Variants in CSMD1 observed in about 807,000 individuals in gnomAD.
CSMD1 encodes CUB and sushi domain-containing protein 1.
In CSMD1, 213 loss-of-function variants were observed where a neutral mutation model predicts 417.5. The ratio of observed to expected loss-of-function variants is 0.51; its 90% CI spans 0.46 to 0.57. The LOEUF (loss-of-function observed/expected upper bound fraction) is 0.57, where lower values mean the gene tolerates loss of function less well. Among genes scored for constraint, CSMD1 ranks in the 20% least tolerant of loss-of-function variants. CSMD1 has a pLI of 0.00. For synonymous variants in CSMD1, 2,862 were observed against 1,736.8 expected, an observed-to-expected ratio of 1.65 and a Z score of -16.11; for missense variants, 6,923 against 4,529.7, an observed-to-expected ratio of 1.53 and a Z score of -15.17.
chr8:4,355,799 G>C (rs1214110776), intron 3 of CSMD1, among the ~76,000 whole-genome samples: 2 of 152,146 alleles, frequency 1.3e-5, no homozygotes, highest in Non-Finnish European at 2.9e-5. Flanking sequence ...CTACTAACCT[G>C]GCTGCTGTTT....
chr8:3,062,041 T>C (rs897359874), intron 49 of CSMD1, among the ~76,000 whole-genome samples: 9 of 152,180 alleles, frequency 5.9e-5, no homozygotes, highest in Non-Finnish European at 1.2e-4. Context: ...ATTTTCAATG[T>C]CCACCTATCA....
At chr8:4,107,663 A>C (rs940904719) in intron 3 of CSMD1, among the ~76,000 whole-genome samples, 5 of 152,160 alleles carry the variant, frequency 3.3e-5, no homozygotes, top group Non-Finnish European at 7.3e-5. Flanking sequence ...TTTGAAGTAC[A>C]ATCCATCATC....
intron 25 of CSMD1, among the ~76,000 whole-genome samples, chr8:3,307,006 T>G (rs565941254): frequency 6.8e-6 from 1 of 147,064 alleles, no homozygotes; most frequent in African/African-American, 2.5e-5. Flanking sequence ...AGTACTTTCT[T>G]GGTCTACCTC....
At chr8:4,413,085 A>G (rs1444176574) in intron 3 of CSMD1, among the ~76,000 whole-genome samples, 1 of 152,090 alleles carries the variant, frequency 6.6e-6, no homozygotes, top group Non-Finnish European at 1.5e-5. Flanking sequence ...AGCTTCATGG[A>G]AAGAGATATT....
chr8:4,236,416 G>A (rs199563238), intron 3 of CSMD1, among the ~76,000 whole-genome samples: 1 of 152,056 alleles, frequency 6.6e-6, no homozygotes, highest in Admixed American at 6.6e-5. Context: ...AGCCAGTCAA[G>A]AATTTTTCTC....
At chr8:3,442,380 A>G (rs6558773) in intron 12 of CSMD1, among the ~76,000 whole-genome samples, 101,836 of 151,874 alleles carry the variant, frequency 0.67, 34,378 homozygotes, top group East Asian at 0.85. Context: ...ACTCACCCAG[A>G]ACAACTTCCC....
At chr8:3,428,507 G>C (rs1013552590) in intron 12 of CSMD1, among the ~76,000 whole-genome samples, 6 of 151,876 alleles carry the variant, frequency 4.0e-5, no homozygotes, top group African/African-American at 1.5e-4. Context: ...TAAAAATGAT[G>C]GGGAAAAAAA....
chr8:4,727,440 T>G lies in CSMD1; in HGVS notation c.86-89882A>C, dbSNP rs570868013. On this transcript the variant is annotated intron_variant, in intron 1 of 69. Transcript: ENST00000635120. ...ATAAGTCAGTCCCTGGAATTATGCGTAAGATAGTTCTAAAAGACTGGGGAA... is the reference window on the plus strand; with the variant it reads ...ATAAGTCAGTCCCTGGAATTATGCGGAAGATAGTTCTAAAAGACTGGGGAA... Among the ~76,000 whole-genome samples the G allele has an allele frequency of 7.3e-4, 111 of 152,226 alleles. 1 individual carries two copies. Among genetic ancestry groups the G allele is most frequent in the African/African-American group, 2.6e-3 (107 of 41,542 alleles).
At chr8:4,287,822 G>A (rs1318736737) in intron 3 of CSMD1, among the ~76,000 whole-genome samples, 1 of 152,058 alleles carries the variant, frequency 6.6e-6, no homozygotes, top group Non-Finnish European at 1.5e-5. Flanking sequence ...GTGGCCCACT[G>A]AATGCATTTA....
At chr8:4,134,420 G>C (rs147472845) in intron 3 of CSMD1, among the ~76,000 whole-genome samples, 1 of 152,140 alleles carries the variant, frequency 6.6e-6, no homozygotes, top group Non-Finnish European at 1.5e-5. Context: ...TGAAGACAGA[G>C]GGAGAAGACA....
At chr8:3,649,597 G>C (rs988946259) in intron 7 of CSMD1, among the ~76,000 whole-genome samples, 2 of 151,932 alleles carry the variant, frequency 1.3e-5, no homozygotes, top group Admixed American at 1.3e-4. Flanking sequence ...TATAAAACCA[G>C]TAGATCTTAT....
chr8:4,097,581 A>C (rs959180821), intron 3 of CSMD1, among the ~76,000 whole-genome samples: 2 of 152,246 alleles, frequency 1.3e-5, no homozygotes, highest in Non-Finnish European at 2.9e-5. Context: ...GTATGATTCT[A>C]GTAACACCCA....
Position 3,209,386 on chromosome 8 carries a change from G to C in CSMD1, c.4868-3766C>G, listed in dbSNP as rs112090924. On this transcript the variant is annotated intron_variant, in intron 30 of 69. Coordinates refer to ENST00000635120, the MANE Select transcript of CSMD1 (RefSeq NM_033225.6). ...GGCTGGAGTACAGTGGCGTGATCTC[G>C]GCTCACTGCAAGTTCCATCTCCCGG... 3.2e-3 allele frequency among the ~76,000 whole-genome samples: 486 copies of C among 151,854 alleles called. 5 individuals are homozygous for C. Among genetic ancestry groups the C allele is most frequent in the African/African-American group, 0.011 (454 of 41,394 alleles).
intron 10 of CSMD1, among the ~76,000 whole-genome samples, chr8:3,543,707 C>T (rs575361523): frequency 2.6e-5 from 4 of 151,714 alleles, no homozygotes; most frequent in Non-Finnish European, 5.9e-5. Context: ...GTAGAGGAGA[C>T]CCAGAGTTTG....
intron 23 of CSMD1, among the ~76,000 whole-genome samples, chr8:3,317,198 A>G (rs899835180): frequency 1.3e-5 from 2 of 152,182 alleles, no homozygotes; most frequent in African/African-American, 4.8e-5. Context: ...TTCTCATAGC[A>G]GATCCCCTGT....
At chr8:4,743,613 T>C (rs1000976354) in intron 1 of CSMD1, among the ~76,000 whole-genome samples, 1 of 152,196 alleles carries the variant, frequency 6.6e-6, no homozygotes. Flanking sequence ...TCAAACGCTA[T>C]TCAAATTTTA....
chr8:3,975,801 T>A (rs1333110434), intron 5 of CSMD1, among the ~76,000 whole-genome samples: 2 of 152,334 alleles, frequency 1.3e-5, no homozygotes, highest in East Asian at 3.9e-4. Context: ...AAAACCCATA[T>A]AGGTTTATTT....
At chr8:4,282,371 C>T (rs967594197) in intron 3 of CSMD1, among the ~76,000 whole-genome samples, 1 of 152,294 alleles carries the variant, frequency 6.6e-6, no homozygotes, top group Middle Eastern at 3.4e-3. Context: ...AGAGGGCTCT[C>T]TTCTTCATTT....
At chr8:4,115,678 C>T (rs549113482) in intron 3 of CSMD1, among the ~76,000 whole-genome samples, 6 of 152,120 alleles carry the variant, frequency 3.9e-5, no homozygotes, top group East Asian at 1.9e-4. Flanking sequence ...AATTTGGAAG[C>T]GACCAAGGTG....
Sources: allele counts gnomAD v4.1 joint callset (sites outside exome capture counted in the v4.1 genomes callset), GRCh38; gene constraint gnomAD v4.1.1; transcripts MANE v1.5; gene names NCBI Gene and HGNC (gene_info 2026-07-23, HGNC 2026-07-21).